ERMP1: variants seen among roughly 807,000 people sequenced by gnomAD.
ERMP1 encodes the protein Felix-ina.
ERMP1 carries 86 observed loss-of-function variants against 92.0 expected under a neutral mutation model. The observed-to-expected ratio is 0.93, with a 90% CI of 0.79 to 1.12. The LOEUF (loss-of-function observed/expected upper bound fraction) is 1.12, where lower values mean the gene tolerates loss of function less well. Ranked by LOEUF, ERMP1 falls within the 50% of genes most tolerant of loss-of-function variation. ERMP1 has a pLI of 0.00. For synonymous variants in ERMP1, 530 were observed against 412.8 expected (o/e 1.28, Z -3.44); for missense variants, 1,342 against 1,116.3 (o/e 1.20, Z -2.88).
chr9:5,801,563 C>CT (rs1015847923), intron 10 of ERMP1, among the ~76,000 whole-genome samples: 4 of 152,102 alleles, frequency 2.6e-5, no homozygotes, highest in African/African-American at 9.7e-5. Context: ...ATGGTGCCAC[C>CT]TTTTTGGCAT....
At chr9:5,809,263 G>A (rs978891876) in intron 8 of ERMP1, among the ~76,000 whole-genome samples, 24 of 150,708 alleles carry the variant, frequency 1.6e-4, no homozygotes, top group Admixed American at 7.9e-4. Flanking sequence ...CTTGTGATCC[G>A]CCCACCTCAG....
At chr9:5,817,166 G>A (rs903120221) in intron 4 of ERMP1, among the ~76,000 whole-genome samples, 6 of 151,912 alleles carry the variant, frequency 3.9e-5, no homozygotes, top group Non-Finnish European at 7.4e-5. Context: ...CCAAAGTGCT[G>A]GGATTACAGG....
intron 6 of ERMP1, among the ~76,000 whole-genome samples, chr9:5,847,678 G>T (rs977095242): frequency 6.6e-6 from 1 of 152,074 alleles, no homozygotes; most frequent in East Asian, 1.9e-4. Context: ...GGCGGATCAT[G>T]AGGTCAAGAG....
chr9:5,820,000 A>G (rs906723964), intron 4 of ERMP1, among the ~76,000 whole-genome samples: 2 of 152,206 alleles, frequency 1.3e-5, no homozygotes, highest in Non-Finnish European at 2.9e-5. Flanking sequence ...AAAAGAATTC[A>G]TTCTAAAGAA....
At chr9:5,828,712 T>A (rs1829819434) in intron 2 of ERMP1, among the ~76,000 whole-genome samples, 1 of 152,252 alleles carries the variant, frequency 6.6e-6, no homozygotes, top group African/African-American at 2.4e-5. Context: ...AACTTCTATT[T>A]GGTTTTTCTC....
chr9:5,837,276 C>A (rs996591496), upstream of ERMP1, among the ~76,000 whole-genome samples: 1 of 152,084 alleles, frequency 6.6e-6, no homozygotes, highest in Non-Finnish European at 1.5e-5. Flanking sequence ...TGCCACTGCA[C>A]CTGGCCAATT....
At chr9:5,819,686 A>C (rs921745808) in intron 4 of ERMP1, among the ~76,000 whole-genome samples, 1 of 152,226 alleles carries the variant, frequency 6.6e-6, no homozygotes, top group Non-Finnish European at 1.5e-5. Flanking sequence ...ACCCATTACT[A>C]AATACCATCT....
chr9:5,834,918 T>C (rs1232557848), upstream of ERMP1, among the ~76,000 whole-genome samples: 1 of 148,554 alleles, frequency 6.7e-6, no homozygotes, highest in Admixed American at 6.8e-5. Flanking sequence ...AGATGATACC[T>C]GCCTTAAGGG....
intron 2 of ERMP1, among the ~76,000 whole-genome samples, chr9:5,826,067 G>T (rs1829721551): frequency 6.6e-6 from 1 of 152,166 alleles, no homozygotes; most frequent in African/African-American, 2.4e-5. Context: ...AATACTTTTA[G>T]AGAGGAACTG....
At chr9:5,856,853 C>G (rs1045539130) in intron 6 of ERMP1, among the ~76,000 whole-genome samples, 1 of 152,090 alleles carries the variant, frequency 6.6e-6, no homozygotes, top group African/African-American at 2.4e-5. Context: ...TAACTCATGC[C>G]TGAACAAAAC....
chr9:5,788,908 A>G (rs1171928399), intron 13 of ERMP1, among the ~76,000 whole-genome samples: 1 of 152,224 alleles, frequency 6.6e-6, no homozygotes, highest in Non-Finnish European at 1.5e-5. Context: ...GACAATTACA[A>G]GATGCCCAAC....
chr9:5,809,804 C>T (rs1014894776), intron 8 of ERMP1, among the ~76,000 whole-genome samples: 1 of 152,140 alleles, frequency 6.6e-6, no homozygotes, highest in Non-Finnish European at 1.5e-5. Context: ...GTTAACAGCC[C>T]GGCTTTATAA....
Position 5,831,020 on chromosome 9 carries a change from A to G in ERMP1, c.347T>C (p.Leu116Pro), listed in dbSNP as rs1225611819. ...GGGGCCAATGGAGGTTATGTGTTCA[A>G]GATAATCCCTGGAAGTAACCAAAAG... ...EFDALQARDY[L>P]EHITSIGPRT... is the part of the protein sequence containing the mutation. The change falls in exon 2 of 15, where the codon CTT becomes CCT. Residue 116 changes from leucine (L) to proline (P), a missense_variant. Leu to Pro is a moderately conservative substitution (Grantham distance 98, BLOSUM62 -3). Coordinates refer to ENST00000339450, the MANE Select transcript of ERMP1 (RefSeq NM_024896.3). 1 of 1,609,086 alleles carries G rather than the reference A, an allele frequency of 6.2e-7. No homozygotes were observed.
At chr9:5,834,418 G>A (rs1209179372), upstream of ERMP1, among the ~76,000 whole-genome samples, 1 of 152,184 alleles carries the variant, frequency 6.6e-6, no homozygotes, top group Non-Finnish European at 1.5e-5. Context: ...TAAGCCCCAC[G>A]AAGGCAGGAA....
At chr9:5,859,487 G>T (rs1830431818) in exon 6 of ERMP1, among the ~76,000 whole-genome samples, 1 of 152,188 alleles carries the variant, frequency 6.6e-6, no homozygotes, top group Non-Finnish European at 1.5e-5. Context: ...AAACAAGAAA[G>T]ACTCTCCAGA....
At chr9:5,788,002 G>T (rs897939383) in intron 13 of ERMP1, among the ~76,000 whole-genome samples, 1 of 152,216 alleles carries the variant, frequency 6.6e-6, no homozygotes, top group African/African-American at 2.4e-5. Flanking sequence ...AGTTGATCAT[G>T]TAACACCTTA....
At chr9:5,813,154 G>A in intron 4 of ERMP1, 119 bp from the exon 5 acceptor site, 2 of 943,746 alleles carry the variant, frequency 2.1e-6, no homozygotes, top group South Asian at 1.6e-5. Context: ...GGTCCAATAT[G>A]TACCTTTTCA....
At chr9:5,818,776 C>G (rs1829417722) in intron 4 of ERMP1, among the ~76,000 whole-genome samples, 1 of 151,922 alleles carries the variant, frequency 6.6e-6, no homozygotes, top group South Asian at 2.1e-4. Flanking sequence ...ACTATTTCTG[C>G]AGGTTAAATT....
rs774909375 is a variant in ERMP1 at position 5,830,758 on chromosome 9, A to G, written c.609T>C (p.Asn203=). Reference sequence around the variant, plus strand: ...AGTTTGCTACTGAGTCAAAATGACAATTAGCCAAGACAGCATGCTGGGCTC... The same window carrying G: ...AGTTTGCTACTGAGTCAAAATGACAGTTAGCCAAGACAGCATGCTGGGCTC... ...RDGAQHAVLA[N]CHFDSVANSP... The change falls in exon 2 of 15, where the codon AAT becomes AAC. Residue 203 remains asparagine (N), a synonymous_variant. Coordinates refer to ENST00000339450, the MANE Select transcript of ERMP1 (RefSeq NM_024896.3). 22 of 1,613,270 alleles carry G rather than the reference A, an allele frequency of 1.4e-5. No individual in the cohort carries two copies. In the South Asian group the frequency reaches 2.3e-4, roughly 17 times the overall value.
Sources: allele counts gnomAD v4.1 joint callset (sites outside exome capture counted in the v4.1 genomes callset), GRCh38; gene constraint gnomAD v4.1.1; transcripts MANE v1.5; gene names NCBI Gene and HGNC (gene_info 2026-07-23, HGNC 2026-07-21).